Variants in SCN2A observed in about 807,000 individuals in gnomAD.
The protein encoded by SCN2A is sodium channel protein type 2 subunit alpha.
Under a neutral mutation model 188.7 loss-of-function variants are expected in SCN2A, and 20 were observed. The observed-to-expected ratio is 0.11, with a 90% CI of 0.07 to 0.15. The LOEUF is 0.15. SCN2A is among the 10% of genes least tolerant of loss of function. The probability of loss-of-function intolerance (pLI) is 1.00; values close to 1 mark genes in which losing one functional copy is unlikely to be tolerated. For missense variants in SCN2A, 1,278 were observed against 2,445.0 expected, an observed-to-expected ratio of 0.52 and a Z score of 10.07; for synonymous variants, 804 against 833.1, an observed-to-expected ratio of 0.97 and a Z score of 0.60.
chr2:165,320,869 C>A (rs1320383932), intron 11 of SCN2A, among the ~76,000 whole-genome samples: 5 of 152,162 alleles, frequency 3.3e-5, no homozygotes, highest in Non-Finnish European at 2.9e-5. Context: ...TCTGACATGC[C>A]CTGGAGACAT....
chr2:165,330,852 G>A (rs1306631150), intron 13 of SCN2A, among the ~76,000 whole-genome samples: 1 of 152,104 alleles, frequency 6.6e-6, no homozygotes, highest in Non-Finnish European at 1.5e-5. Context: ...CTTTTAAACT[G>A]AGATTGGTGA....
rs1696487020 is a variant in SCN2A at position 165,296,002 on chromosome 2, A to G, written c.179A>G (p.Lys60Arg). 6.2e-7 allele frequency: 1 copy of G among 1,614,156 alleles called. No homozygotes were observed. The highest frequency in any genetic ancestry group is 1.3e-5 in the African/African-American group (1 of 75,038). Residue 60 changes from lysine (K) to arginine (R), a missense_variant, in exon 2 of 27, where the codon AAA (lysine) becomes AGA (arginine). This residue lies in a region of SCN2A where 141 missense variants were observed against 185.4 expected (regional missense o/e 0.76). Transcript: ENST00000375437. ...CCAAACAGTGACTTGGAAGCAGGAA[A>G]ATCTCTTCCATTTATTTATGGAGAC... ...PKPNSDLEAGKSLPFIYGDIP... is the reference protein window; with the variant it reads ...PKPNSDLEAGRSLPFIYGDIP...
At chr2:165,344,957 A>G in intron 16 of SCN2A, 46 bp downstream of exon 16, 1 of 1,609,294 alleles carries the variant, frequency 6.2e-7, no homozygotes, top group Non-Finnish European at 8.5e-7. Context: ...AAGATAATGT[A>G]ATCATTAAAA....
chr2:165,363,865 A>G (rs994899775), intron 17 of SCN2A, among the ~76,000 whole-genome samples: 1 of 152,180 alleles, frequency 6.6e-6, no homozygotes. Context: ...TGCTTCCATC[A>G]TTAGTATTTT....
At chr2:165,277,209 TACTGC>T (rs1443532393) in intron 1 of SCN2A, among the ~76,000 whole-genome samples, 1 of 152,230 alleles carries the variant, frequency 6.6e-6, no homozygotes, top group Non-Finnish European at 1.5e-5. Context: ...CAGGCATCCT[TACTGC>T]AGTATCTGCT....
At chr2:165,363,452 G>A (rs1018981721) in intron 17 of SCN2A, among the ~76,000 whole-genome samples, 2 of 152,044 alleles carry the variant, frequency 1.3e-5, no homozygotes, top group African/African-American at 2.4e-5. Context: ...GATTACCTGT[G>A]TTATTTTCCA....
chr2:165,370,392 T>A, intron 20 of SCN2A, 93 bp downstream of exon 20: 3 of 1,191,138 alleles, frequency 2.5e-6, no homozygotes, highest in Non-Finnish European at 3.8e-6. Context: ...TCAGTAACAC[T>A]GTATCAGCCC....
chr2:165,316,153 C>G (rs556078048), intron 11 of SCN2A, among the ~76,000 whole-genome samples: 65 of 152,256 alleles, frequency 4.3e-4, no homozygotes, highest in African/African-American at 1.5e-3. Context: ...TTTAGGCCAC[C>G]TGCGGGGTTG....
intron 1 of SCN2A, among the ~76,000 whole-genome samples, chr2:165,292,158 G>A (rs369498250): frequency 6.1e-4 from 93 of 152,162 alleles, no homozygotes; most frequent in African/African-American, 2.2e-3. Context: ...GACTAGCCCT[G>A]GACAAACCAT....
chr2:165,353,295 G>C (rs1700021030), intron 16 of SCN2A, among the ~76,000 whole-genome samples: 1 of 151,922 alleles, frequency 6.6e-6, no homozygotes, highest in African/African-American at 2.4e-5. Flanking sequence ...TAAAAATTGG[G>C]ACTTTTCATC....
At position 165,375,528 on chromosome 2, in the gene SCN2A, T is replaced by C. The variant is rs376298336; in HGVS notation, c.4254+562T>C. Reference sequence around the variant, plus strand: ...GTGTTTGTGTATGTGTGCGTGTATATAGAAGTAGTCAGGGAAGGGGCAGAG... The same window carrying C: ...GTGTTTGTGTATGTGTGCGTGTATACAGAAGTAGTCAGGGAAGGGGCAGAG... On this transcript the variant is annotated intron_variant, in intron 22 of 26. Transcript: ENST00000375437. Among the ~76,000 whole-genome samples, 9 of 152,062 alleles carry C rather than the reference T, an allele frequency of 5.9e-5. 1 individual carries two copies. The highest frequency in any genetic ancestry group is 4.6e-4 in the Admixed American group (7 of 15,226).
chr2:165,260,215 T>A (rs928480773), intron 1 of SCN2A, among the ~76,000 whole-genome samples: 1 of 152,102 alleles, frequency 6.6e-6, no homozygotes, highest in East Asian at 1.9e-4. Context: ...AGTGCTAGGA[T>A]TATAGGCGTG....
intron 25 of SCN2A, 151 bp downstream of exon 25, chr2:165,381,348 A>G (rs993062452): frequency 3.5e-6 from 2 of 564,366 alleles, no homozygotes; most frequent in African/African-American, 3.8e-5. Context: ...AGCTTGAAAA[A>G]TGTACTTTAC....
At position 165,295,783 on chromosome 2, in the gene SCN2A, T is replaced by C. The variant is rs777439927; in HGVS notation, c.-41T>C. The C allele has an allele frequency of 1.2e-6, 2 of 1,613,666 alleles. No individual in the cohort carries two copies. Among genetic ancestry groups the C allele is most frequent in the East Asian group, 2.2e-5 (1 of 44,884 alleles). Reference sequence around the variant, plus strand: ...TCCCTGTTTCTGTAGCACTTTCTTATGCAAGGAGCTAAACAGTGATTAAAG... The same window carrying C: ...TCCCTGTTTCTGTAGCACTTTCTTACGCAAGGAGCTAAACAGTGATTAAAG... On this transcript the variant is annotated 5_prime_UTR_variant, in exon 2 of 27. The change abolishes an upstream ATG in the 5' untranslated region. Transcript: ENST00000375437.
At chr2:165,385,268 A>G (rs989939054) in intron 25 of SCN2A, among the ~76,000 whole-genome samples, 1 of 152,146 alleles carries the variant, frequency 6.6e-6, no homozygotes, top group African/African-American at 2.4e-5. Flanking sequence ...AGTATTAGTC[A>G]TTCTAGTTGA....
Position 165,296,013 on chromosome 2 carries a change from T to C in SCN2A, c.190T>C (p.Phe64Leu). ...SDLEAGKSLP[F>L]IYGDIPPEMV... Reference sequence around the variant, plus strand: ...CTTGGAAGCAGGAAAATCTCTTCCATTTATTTATGGAGACATTCCTCCAGA... The same window carrying C: ...CTTGGAAGCAGGAAAATCTCTTCCACTTATTTATGGAGACATTCCTCCAGA... Residue 64 changes from phenylalanine to leucine, a missense_variant, in exon 2 of 27, where the codon TTT becomes CTT. Physicochemically the swap from Phe to Leu is conservative, Grantham distance 22 (BLOSUM62 0). Around this residue, in one of 17 missense-constraint regions of SCN2A, gnomAD observed 141 missense variants for 185.4 expected, o/e 0.76. Transcript: ENST00000375437. The C allele has an allele frequency of 6.2e-7, 1 of 1,614,156 alleles. No homozygotes were observed. The highest frequency in any genetic ancestry group is 8.5e-7 in the Non-Finnish European group (1 of 1,180,036).
At chr2:165,278,692 G>T (rs1695453267) in intron 1 of SCN2A, among the ~76,000 whole-genome samples, 1 of 152,292 alleles carries the variant, frequency 6.6e-6, no homozygotes, top group Non-Finnish European at 1.5e-5. Flanking sequence ...AATCCCAGCA[G>T]TTTGTGAGGC....
At chr2:165,355,443 A>G (rs1046515518) in intron 17 of SCN2A, among the ~76,000 whole-genome samples, 6 of 152,222 alleles carry the variant, frequency 3.9e-5, no homozygotes, top group Admixed American at 1.3e-4. Flanking sequence ...CTGTTGCTCA[A>G]TAAGTACAGA....
rs758792034 is a variant in SCN2A, at chr2:165,361,794, T to C, written c.3400-3349T>C. Among the ~76,000 whole-genome samples the C allele has an allele frequency of 8.6e-5, 13 of 151,934 alleles. No homozygotes were observed. In the South Asian group the frequency reaches 2.1e-3, roughly 24 times the overall value. ...AGAGGGAAAACACTGTCAAAATGAT[T>C]TAGTAATAGTTTTCCTGACTCCACA... On this transcript the variant is annotated intron_variant, in intron 17 of 26. Coordinates refer to ENST00000375437, the MANE Select transcript of SCN2A (RefSeq NM_001040142.2).
Sources: allele counts gnomAD v4.1 joint callset (sites outside exome capture counted in the v4.1 genomes callset), GRCh38; gene constraint gnomAD v4.1.1; regional missense constraint gnomAD v4.1.1; transcripts MANE v1.5; gene names NCBI Gene and HGNC (gene_info 2026-07-23, HGNC 2026-07-21).